DIS3L2: variants seen among roughly 807,000 people sequenced by gnomAD.
DIS3L2 encodes the protein DIS3-like exonuclease 2.
Under a neutral mutation model 97.5 loss-of-function variants are expected in DIS3L2, and 34 were observed. The ratio of observed to expected loss-of-function variants is 0.35; its 90% CI spans 0.27 to 0.46. The LOEUF is 0.46. Ranked by LOEUF, DIS3L2 falls within the 20% of genes least tolerant of loss-of-function variation. DIS3L2 has a pLI of 1.00. For missense variants in DIS3L2, 1,038 were observed against 1,146.0 expected (o/e 0.91, Z 1.36); for synonymous variants, 435 against 445.2 (o/e 0.98, Z 0.29).
Position 232,115,362 on chromosome 2 carries a change from C to T in DIS3L2, c.602-15257C>T, listed in dbSNP as rs114558022. On this transcript the variant is annotated intron_variant, in intron 6 of 20. Coordinates refer to ENST00000325385, the MANE Select transcript of DIS3L2 (RefSeq NM_152383.5). ...AATTATTTGGAATCAGTCTGTCAGC[C>T]GCTTTTGCATTCAATCTTTATGTCA... 2.9e-3 allele frequency among the ~76,000 whole-genome samples: 436 copies of T among 151,994 alleles called. 1 individual carries two copies. The highest frequency in any genetic ancestry group is 4.7e-3 in the Non-Finnish European group (322 of 67,966).
At chr2:232,344,019 G>C (rs1032437152) in exon 14 of DIS3L2, 1 of 161,720 alleles carries the variant, frequency 6.2e-6, no homozygotes, top group Non-Finnish European at 1.4e-5. Flanking sequence ...GAAATGCCTC[G>C]TCATCTGGTG....
chr2:232,246,728 A>AT (rs893093354), intron 11 of DIS3L2, among the ~76,000 whole-genome samples: 1 of 152,176 alleles, frequency 6.6e-6, no homozygotes, highest in Non-Finnish European at 1.5e-5. Flanking sequence ...ACCTTGTTGT[A>AT]TTTTTTTAAG....
At chr2:232,223,158 T>C (rs1268266139) in intron 10 of DIS3L2, among the ~76,000 whole-genome samples, 5 of 152,200 alleles carry the variant, frequency 3.3e-5, no homozygotes, top group Non-Finnish European at 5.9e-5. Context: ...CAAGATAATC[T>C]GGCACCCACC....
chr2:232,316,443 C>T (rs1445876785), intron 14 of DIS3L2, among the ~76,000 whole-genome samples: 1 of 152,076 alleles, frequency 6.6e-6, no homozygotes, highest in Non-Finnish European at 1.5e-5. Context: ...CCTTTACAGT[C>T]AGGGCCAGTT....
chr2:232,336,380 CA>C (rs1695947989), intron 20 of DIS3L2, 88 bp from the exon 21 acceptor site: 7 of 1,550,268 alleles, frequency 4.5e-6, no homozygotes, highest in Non-Finnish European at 6.1e-6. Context: ...AAGGAGGGGC[CA>C]GGGGTCCTGC....
intron 5 of DIS3L2, among the ~76,000 whole-genome samples, chr2:232,075,638 C>T (rs1696164681): frequency 6.6e-6 from 1 of 152,212 alleles, no homozygotes; most frequent in African/African-American, 2.4e-5. Context: ...TCCTCATCAT[C>T]TTGCACTTCT....
intron 9 of DIS3L2, among the ~76,000 whole-genome samples, chr2:232,165,495 T>C (rs1690776019): frequency 6.6e-6 from 1 of 152,186 alleles, no homozygotes; most frequent in East Asian, 1.9e-4. Context: ...AACTTTGACT[T>C]TTCATTTTGC....
At chr2:232,261,210 T>A (rs1049897761) in intron 12 of DIS3L2, among the ~76,000 whole-genome samples, 1 of 152,162 alleles carries the variant, frequency 6.6e-6, no homozygotes, top group Non-Finnish European at 1.5e-5. Flanking sequence ...TGCCCTTTCC[T>A]TCCTTCCTTC....
At chr2:232,190,361 A>G (rs781772180) in intron 9 of DIS3L2, among the ~76,000 whole-genome samples, 9 of 152,248 alleles carry the variant, frequency 5.9e-5, no homozygotes, top group South Asian at 2.1e-4. Context: ...AGCAGTTAAC[A>G]TGGTTACCTC....
intron 9 of DIS3L2, among the ~76,000 whole-genome samples, chr2:232,208,398 C>T (rs2106215665): frequency 6.6e-6 from 1 of 152,266 alleles, no homozygotes; most frequent in Middle Eastern, 3.4e-3. Flanking sequence ...GCAACCGCCA[C>T]CTCCCGGGTT....
chr2:232,024,367 A>G (rs2106233010), intron 4 of DIS3L2, 37 bp downstream of exon 4: 1 of 1,512,522 alleles, frequency 6.6e-7, no homozygotes, highest in East Asian at 2.3e-5. Flanking sequence ...TTTATGTCAC[A>G]TTTAATTTTT....
intron 1 of DIS3L2, among the ~76,000 whole-genome samples, chr2:231,987,702 T>A (rs147489860): frequency 9.8e-5 from 15 of 152,328 alleles, no homozygotes; most frequent in African/African-American, 2.6e-4. Context: ...GGGTTTGTTT[T>A]GTCTCCATGA....
chr2:232,335,282 A>G, intron 19 of DIS3L2: 1 of 187,532 alleles, frequency 5.3e-6, no homozygotes, highest in Non-Finnish European at 1.1e-5. Flanking sequence ...GTGCCCTGGG[A>G]GTACAGTGTC....
chr2:231,974,730 T>C (rs950180804), intron 1 of DIS3L2, among the ~76,000 whole-genome samples: 1 of 152,138 alleles, frequency 6.6e-6, no homozygotes, highest in African/African-American at 2.4e-5. Flanking sequence ...TGCTTATATT[T>C]CTTGATTGTA....
chr2:231,974,863 G>A (rs187163840), intron 1 of DIS3L2, among the ~76,000 whole-genome samples: 6 of 152,196 alleles, frequency 3.9e-5, no homozygotes, highest in Admixed American at 3.9e-4. Context: ...AAGTGATATA[G>A]TATTCAGAGA....
rs547619558 is a variant in DIS3L2, at chr2:232,266,532, T to C, written c.1659+3092T>C. Among the ~76,000 whole-genome samples the C allele has an allele frequency of 6.6e-5, 10 of 152,336 alleles. No individual in the cohort carries two copies. In the South Asian group the frequency reaches 2.1e-3, roughly 32 times the overall value. On this transcript the variant is annotated intron_variant, in intron 13 of 20. Transcript: ENST00000325385. ...CTTTGCACCCTTGGAGTTGATTCCT[T>C]GGTTCCCCCGAAAACAAGTCCATGG...
chr2:231,978,515 G>A (rs948517969), intron 1 of DIS3L2: 2 of 152,168 alleles, frequency 1.3e-5, no homozygotes, highest in Admixed American at 6.5e-5. Context: ...AGTTTATTTT[G>A]TAGTAATTTT....
intron 1 of DIS3L2, among the ~76,000 whole-genome samples, chr2:231,968,699 A>G (rs1692800808): frequency 6.6e-6 from 1 of 152,224 alleles, no homozygotes; most frequent in East Asian, 1.9e-4. Flanking sequence ...GTATGGACAT[A>G]TGTTTTTATT....
At chr2:232,014,197 C>T (rs1694289365) in intron 1 of DIS3L2, among the ~76,000 whole-genome samples, 1 of 152,232 alleles carries the variant, frequency 6.6e-6, no homozygotes, top group African/African-American at 2.4e-5. Flanking sequence ...TCCTTAGATA[C>T]AGCTGTTTGA....
Sources: allele counts gnomAD v4.1 joint callset (sites outside exome capture counted in the v4.1 genomes callset), GRCh38; gene constraint gnomAD v4.1.1; transcripts MANE v1.5; gene names NCBI Gene and HGNC (gene_info 2026-07-23, HGNC 2026-07-21).